ELOVL6: variants seen among roughly 807,000 people sequenced by gnomAD.
The protein encoded by ELOVL6 is very long chain fatty acid elongase 6.
ELOVL6 carries 8 observed loss-of-function variants against 31.7 expected under a neutral mutation model. The observed-to-expected ratio is 0.25, with a 90% CI of 0.15 to 0.45. The LOEUF (loss-of-function observed/expected upper bound fraction) is 0.45, where lower values mean the gene tolerates loss of function less well. ELOVL6 is among the 20% of genes least tolerant of loss of function. ELOVL6 has a pLI of 1.00. For synonymous variants in ELOVL6, 101 were observed against 117.7 expected (o/e 0.86, Z 0.92); for missense variants, 126 against 326.4 (o/e 0.39, Z 4.73).
chr4:110,052,772 T>G (rs1399056582), intron 3 of ELOVL6, among the ~76,000 whole-genome samples: 1 of 151,992 alleles, frequency 6.6e-6, no homozygotes, highest in Admixed American at 6.5e-5. Flanking sequence ...AGTAAGAAAA[T>G]AAGGGAAGTT....
intron 1 of ELOVL6, among the ~76,000 whole-genome samples, chr4:110,135,635 A>G (rs1757790425): frequency 6.6e-6 from 1 of 152,196 alleles, no homozygotes; most frequent in African/African-American, 2.4e-5. Context: ...GAAGCCAATC[A>G]GCAGACGAAC....
At chr4:110,172,439 G>A (rs1758976287) in intron 1 of ELOVL6, among the ~76,000 whole-genome samples, 1 of 152,182 alleles carries the variant, frequency 6.6e-6, no homozygotes, top group Admixed American at 6.5e-5. Flanking sequence ...CCACCTGGGA[G>A]CAATGATTCA....
At chr4:110,193,364 G>A (rs78091251) in intron 1 of ELOVL6, among the ~76,000 whole-genome samples, 2 of 152,068 alleles carry the variant, frequency 1.3e-5, no homozygotes, top group East Asian at 1.9e-4. Context: ...CAGCACTTTC[G>A]GAGGCCGAGG....
chr4:110,128,723 T>A (rs1306198306), intron 1 of ELOVL6, among the ~76,000 whole-genome samples: 15 of 152,230 alleles, frequency 9.9e-5, no homozygotes, highest in Non-Finnish European at 2.1e-4. Flanking sequence ...GATCTAACAT[T>A]TCCTCATTTG....
At chr4:110,087,997 C>G (rs998628429) in intron 2 of ELOVL6, among the ~76,000 whole-genome samples, 3 of 152,002 alleles carry the variant, frequency 2.0e-5, no homozygotes, top group African/African-American at 7.3e-5. Context: ...GGTTTTACTA[C>G]ATTTTTGAAG....
At chr4:110,127,445 G>T (rs1757540606) in intron 1 of ELOVL6, among the ~76,000 whole-genome samples, 1 of 144,772 alleles carries the variant, frequency 6.9e-6, no homozygotes. Context: ...GTAAGCCTAT[G>T]TCTCACTAAG....
chr4:110,070,727 G>T (rs1016564006), intron 2 of ELOVL6, among the ~76,000 whole-genome samples: 5 of 152,142 alleles, frequency 3.3e-5, no homozygotes, highest in African/African-American at 1.2e-4. Context: ...TTTAAAGTGT[G>T]TAGCACCTCA....
chr4:110,179,039 C>T (rs1759197943), intron 1 of ELOVL6, among the ~76,000 whole-genome samples: 1 of 151,778 alleles, frequency 6.6e-6, no homozygotes, highest in Non-Finnish European at 1.5e-5. Flanking sequence ...AGTGTCTCTG[C>T]AAAAGTATGT....
intron 2 of ELOVL6, among the ~76,000 whole-genome samples, chr4:110,092,434 C>T (rs1756452036): frequency 6.6e-6 from 1 of 152,106 alleles, no homozygotes. Flanking sequence ...AGCATATAAC[C>T]ATACGGCGGG....
chr4:110,067,748 T>C (rs1165424152), intron 2 of ELOVL6, among the ~76,000 whole-genome samples: 3 of 152,240 alleles, frequency 2.0e-5, no homozygotes, highest in African/African-American at 7.2e-5. Context: ...TGATCCAATT[T>C]GTGTACATTT....
At chr4:110,128,586 C>T (rs1462066489) in intron 1 of ELOVL6, among the ~76,000 whole-genome samples, 3 of 152,104 alleles carry the variant, frequency 2.0e-5, no homozygotes. Context: ...TGTACCCTCC[C>T]AACTGGAGCA....
chr4:110,064,223 A>G (rs1755232097), intron 2 of ELOVL6, among the ~76,000 whole-genome samples: 3 of 151,820 alleles, frequency 2.0e-5, no homozygotes, highest in Non-Finnish European at 4.4e-5. Context: ...AACATCAGAC[A>G]CAATGCAGCA....
intron 1 of ELOVL6, among the ~76,000 whole-genome samples, chr4:110,109,258 T>C (rs1756964758): frequency 6.6e-6 from 1 of 152,188 alleles, no homozygotes; most frequent in South Asian, 2.1e-4. Flanking sequence ...TGGACTCTTC[T>C]TGTTTAATAA....
At chr4:110,157,593 C>A (rs1578267120) in intron 1 of ELOVL6, among the ~76,000 whole-genome samples, 1 of 152,088 alleles carries the variant, frequency 6.6e-6, no homozygotes, top group Non-Finnish European at 1.5e-5. Context: ...ATTGCTTGAA[C>A]CTGGGAGGCG....
At chr4:110,127,862 A>G (rs1560835148) in intron 1 of ELOVL6, among the ~76,000 whole-genome samples, 1 of 152,158 alleles carries the variant, frequency 6.6e-6, no homozygotes, top group Non-Finnish European at 1.5e-5. Context: ...CCTTGCACCC[A>G]GACATGTTTT....
chr4:110,125,445 A>C (rs1222675154), intron 1 of ELOVL6, among the ~76,000 whole-genome samples: 1 of 152,204 alleles, frequency 6.6e-6, no homozygotes, highest in Non-Finnish European at 1.5e-5. Flanking sequence ...AGACCATGTC[A>C]ATATACATAA....
chr4:110,068,278 T>C (rs764200910), intron 2 of ELOVL6, among the ~76,000 whole-genome samples: 4 of 152,228 alleles, frequency 2.6e-5, no homozygotes, highest in African/African-American at 4.8e-5. Context: ...TAGTATCATA[T>C]GATGATAATC....
chr4:110,081,392 G>GC (rs1755844154), intron 2 of ELOVL6, among the ~76,000 whole-genome samples: 1 of 152,154 alleles, frequency 6.6e-6, no homozygotes, highest in African/African-American at 2.4e-5. Context: ...TACCAAAACA[G>GC]AGATATAGAC....
At chr4:110,137,768 T>C (rs1376780355) in intron 1 of ELOVL6, among the ~76,000 whole-genome samples, 1 of 152,180 alleles carries the variant, frequency 6.6e-6, no homozygotes, top group Admixed American at 6.5e-5. Flanking sequence ...AACAAACTTT[T>C]AGAAATAACA....
Sources: gnomAD v4.1 joint callset for allele counts (sites outside exome capture counted in the v4.1 genomes callset) on GRCh38, gnomAD v4.1.1 for gene constraint, MANE v1.5 for transcripts, NCBI Gene and HGNC (gene_info 2026-07-23, HGNC 2026-07-21) for gene names.